Variants in RAB37 observed in about 807,000 individuals in gnomAD.
The protein encoded by RAB37 is ras-related protein Rab-37.
A neutral mutation model predicts 33.1 loss-of-function variants in RAB37; 29 were observed. The ratio of observed to expected loss-of-function variants is 0.88; its 90% CI spans 0.65 to 1.20. The LOEUF (loss-of-function observed/expected upper bound fraction) is 1.20, where lower values mean the gene tolerates loss of function less well. Ranked by LOEUF, RAB37 falls within the 50% of genes most tolerant of loss-of-function variation. The pLI is 0.00. For missense variants in RAB37, 299 were observed against 301.1 expected (o/e 0.99, Z 0.05); for synonymous variants, 128 against 119.5 (o/e 1.07, Z -0.47).
upstream of RAB37, among the ~76,000 whole-genome samples, chr17:74,732,512 T>G (rs370976843): frequency 2.2e-4 from 32 of 146,804 alleles, no homozygotes; most frequent in African/African-American, 7.3e-4. Context: ...GTGGCAGGTG[T>G]GTGGTGTGAT....
At chr17:74,683,303 A>G (rs1268224804) in intron 1 of RAB37, among the ~76,000 whole-genome samples, 1 of 152,164 alleles carries the variant, frequency 6.6e-6, no homozygotes, top group Non-Finnish European at 1.5e-5. Flanking sequence ...GAAGAGGTTG[A>G]TTGGAGCAGG....
chr17:74,703,819 A>G (rs752574361), intron 1 of RAB37, among the ~76,000 whole-genome samples: 1 of 151,974 alleles, frequency 6.6e-6, no homozygotes, highest in Non-Finnish European at 1.5e-5. Flanking sequence ...CAACAAATAA[A>G]CCCATGCAAA....
rs1598330640 is a variant in RAB37, at chr17:74,744,478, A to C, written c.432+105A>C. The C allele has an allele frequency of 4.6e-6, 5 of 1,087,264 alleles. No homozygotes were observed. The South Asian group carries it at 6.4e-5, about 14-fold the overall frequency. 67.4% of individuals were successfully genotyped at this position (1,087,264 alleles called of 1,614,324 possible). ...TATCTAGGCATCCTTCCTGAAAAGG[A>C]CTCTGCAGCCTCCAGCTCAGGGGTC... is the stretch of plus-strand genomic sequence containing the variant. On this transcript the variant is annotated intron_variant, in intron 6 of 8. Transcript: ENST00000392613. This position sits in a 1 kb window ranked among gnomAD's most constrained non-coding sequence, Gnocchi z 4.2.
chr17:74,714,765 C>A (rs1422882941), intron 1 of RAB37, among the ~76,000 whole-genome samples: 2 of 152,132 alleles, frequency 1.3e-5, no homozygotes, highest in Admixed American at 6.6e-5. Flanking sequence ...CATGTCCATC[C>A]CCCATCTCTC....
chr17:74,705,450 T>C, intron 1 of RAB37: 1 of 509,382 alleles, frequency 2.0e-6, no homozygotes. Context: ...AATTGCAAAT[T>C]TGTGGATTTC....
chr17:74,695,067 G>A (rs745742828), intron 1 of RAB37: 4 of 1,602,796 alleles, frequency 2.5e-6, no homozygotes, highest in Non-Finnish European at 2.6e-6. Flanking sequence ...CTCACAGCCT[G>A]GGGTCCAAGA....
At chr17:74,715,139 T>C (rs1348490690) in intron 1 of RAB37, among the ~76,000 whole-genome samples, 3 of 151,956 alleles carry the variant, frequency 2.0e-5, no homozygotes, top group African/African-American at 7.3e-5. Flanking sequence ...AATAAATAAA[T>C]AAAAATAAAT....
intron 1 of RAB37, among the ~76,000 whole-genome samples, chr17:74,674,818 C>T (rs2031788006): frequency 6.6e-6 from 1 of 152,206 alleles, no homozygotes; most frequent in Non-Finnish European, 1.5e-5. Context: ...TCCCAAGAGG[C>T]CCCCTCCCAC....
intron 1 of RAB37, among the ~76,000 whole-genome samples, chr17:74,713,964 C>T (rs1415819099): frequency 1.4e-5 from 2 of 140,688 alleles, no homozygotes; most frequent in Non-Finnish European, 3.0e-5. Flanking sequence ...AATCCCAACA[C>T]TTTGGGAGGC....
intron 1 of RAB37, among the ~76,000 whole-genome samples, chr17:74,698,140 A>C (rs966884524): frequency 1.3e-5 from 2 of 152,212 alleles, no homozygotes; most frequent in African/African-American, 4.8e-5. Flanking sequence ...AGAGAAGAGA[A>C]GGGGAAGGAC....
At chr17:74,722,934 T>G (rs907525365) in intron 1 of RAB37, among the ~76,000 whole-genome samples, 6 of 152,214 alleles carry the variant, frequency 3.9e-5, no homozygotes, top group African/African-American at 1.2e-4. Flanking sequence ...TCAGGTTTTC[T>G]AAAAGCTGTC....
At chr17:74,731,393 A>T (rs1431303863) in intron 2 of RAB37, among the ~76,000 whole-genome samples, 1 of 152,188 alleles carries the variant, frequency 6.6e-6, no homozygotes, top group Non-Finnish European at 1.5e-5. Flanking sequence ...ACTTTGGAGG[A>T]GCCAGAGGTG....
Position 74,675,233 on chromosome 17 carries a change from G to A in RAB37, c.72+3575G>A, listed in dbSNP as rs557649582. Among the ~76,000 whole-genome samples, 94 of 152,086 alleles carry A rather than the reference G, an allele frequency of 6.2e-4. 1 individual carries two copies. The highest frequency in any genetic ancestry group is 4.9e-3 in the Admixed American group (75 of 15,252). On this transcript the variant is annotated intron_variant, in intron 1 of 7. Transcript: ENST00000340415. ...GGATGAATCATGAGGTCAGGAGATC[G>A]AGACCATCCTGGCCAACATGGTGAA...
intron 1 of RAB37, among the ~76,000 whole-genome samples, chr17:74,675,643 G>A (rs571314542): frequency 6.6e-5 from 10 of 152,280 alleles, no homozygotes; most frequent in South Asian, 4.1e-4. Flanking sequence ...TACAAAAAGC[G>A]TGACTTCTAT....
intron 1 of RAB37, among the ~76,000 whole-genome samples, chr17:74,687,844 T>C (rs2032085162): frequency 6.6e-6 from 1 of 152,164 alleles, no homozygotes. Flanking sequence ...CATACCTAAG[T>C]ACCAGCCCCT....
chr17:74,677,946 A>C lies in RAB37; in HGVS notation c.72+6288A>C, dbSNP rs1228904568. Among the ~76,000 whole-genome samples, 3 of 152,096 alleles carry C rather than the reference A, an allele frequency of 2.0e-5. No individual in the cohort carries two copies. In the East Asian group the frequency reaches 5.8e-4, roughly 29 times the overall value. On this transcript the variant is annotated intron_variant, in intron 1 of 7. Transcript: ENST00000340415. Reference sequence around the variant, plus strand: ...GAGACTCACTTGTGTTGCTGCCCTAATGTTTCCTCTTATAAGCTGTTCTAG... The same window carrying C: ...GAGACTCACTTGTGTTGCTGCCCTACTGTTTCCTCTTATAAGCTGTTCTAG...
At chr17:74,680,554 G>T (rs1490994739) in intron 1 of RAB37, among the ~76,000 whole-genome samples, 1 of 152,120 alleles carries the variant, frequency 6.6e-6, no homozygotes, top group Non-Finnish European at 1.5e-5. Context: ...TTGGTAGCTG[G>T]CTACACTATA....
chr17:74,731,027 T>C (rs2034377611), intron 2 of RAB37, among the ~76,000 whole-genome samples: 2 of 152,232 alleles, frequency 1.3e-5, no homozygotes, highest in Non-Finnish European at 2.9e-5. Flanking sequence ...CAGCACCCGA[T>C]GTTCTGGTGC....
intron 1 of RAB37, among the ~76,000 whole-genome samples, chr17:74,703,336 C>T (rs931352385): frequency 1.3e-5 from 2 of 152,016 alleles, no homozygotes; most frequent in Non-Finnish European, 2.9e-5. Flanking sequence ...TGGGGCTGGG[C>T]AGGGTCCAGG....
Sources: allele counts gnomAD v4.1 joint callset (sites outside exome capture counted in the v4.1 genomes callset), GRCh38; gene constraint gnomAD v4.1.1; non-coding constraint Gnocchi (gnomAD v3.1); transcripts MANE v1.5; gene names NCBI Gene and HGNC (gene_info 2026-07-23, HGNC 2026-07-21).